Variants in AKAP19 observed in about 807,000 individuals in gnomAD.
The protein encoded by AKAP19 is small A-kinase anchoring protein.
chr2:190,134,271 C>A, the AKAP19 span, among the ~76,000 whole-genome samples: 3 of 151,966 alleles, frequency 2.0e-5, no homozygotes, highest in Non-Finnish European at 4.4e-5. Context: ...TAAAGGTGAA[C>A]CCTGCTAGAA....
At chr2:189,972,609 C>T in the AKAP19 span, among the ~76,000 whole-genome samples, 1 of 152,128 alleles carries the variant, frequency 6.6e-6, no homozygotes, top group Non-Finnish European at 1.5e-5. Flanking sequence ...TCTTCCTATC[C>T]ATGAGCATGG....
chr2:190,002,429 C>T, the AKAP19 span, among the ~76,000 whole-genome samples: 6 of 152,132 alleles, frequency 3.9e-5, no homozygotes, highest in African/African-American at 1.2e-4. Flanking sequence ...TGGAAGGCAG[C>T]CCTGGTGGCC....
the AKAP19 span, among the ~76,000 whole-genome samples, chr2:190,043,332 T>C: frequency 6.6e-6 from 1 of 152,228 alleles, no homozygotes; most frequent in Non-Finnish European, 1.5e-5. Context: ...GGGATACCAG[T>C]GATTCATAGA....
At chr2:190,194,330 G>C in the AKAP19 span, among the ~76,000 whole-genome samples, 11,603 of 152,134 alleles carry the variant, frequency 0.076, 1,036 homozygotes, top group African/African-American at 0.22. Flanking sequence ...AGCTATGCTT[G>C]TGGGTTTGTC....
At chr2:190,141,801 T>C in the AKAP19 span, among the ~76,000 whole-genome samples, 6 of 152,312 alleles carry the variant, frequency 3.9e-5, no homozygotes, top group Non-Finnish European at 7.4e-5. Context: ...AATATTATGA[T>C]ACCCGGTTTT....
the AKAP19 span, among the ~76,000 whole-genome samples, chr2:189,922,786 A>G: frequency 6.6e-6 from 1 of 152,134 alleles, no homozygotes; most frequent in African/African-American, 2.4e-5. Context: ...ATATTTTTAA[A>G]GTACTGTCTA....
At chr2:189,997,759 G>A in the AKAP19 span, among the ~76,000 whole-genome samples, 1 of 152,186 alleles carries the variant, frequency 6.6e-6, no homozygotes, top group East Asian at 1.9e-4. Flanking sequence ...ACAATGGGTG[G>A]TGGTCTTGCA....
chr2:190,031,061 T>A, the AKAP19 span, among the ~76,000 whole-genome samples: 1 of 152,134 alleles, frequency 6.6e-6, no homozygotes, highest in Non-Finnish European at 1.5e-5. Flanking sequence ...TAGAAGGCTG[T>A]CATCATCTGC....
chr2:190,031,608 C>A, the AKAP19 span, among the ~76,000 whole-genome samples: 4 of 152,002 alleles, frequency 2.6e-5, no homozygotes, highest in African/African-American at 9.7e-5. Flanking sequence ...AATTAATAAA[C>A]ACTAGATGTC....
At chr2:190,085,123 T>C in the AKAP19 span, among the ~76,000 whole-genome samples, 7 of 152,030 alleles carry the variant, frequency 4.6e-5, no homozygotes, top group African/African-American at 9.7e-5. Flanking sequence ...CTTTTAACCA[T>C]AGATGCCAGG....
the AKAP19 span, among the ~76,000 whole-genome samples, chr2:190,010,408 C>T: frequency 6.6e-6 from 1 of 152,036 alleles, no homozygotes; most frequent in Non-Finnish European, 1.5e-5. Flanking sequence ...GGATAATAGT[C>T]ATCAATGGGA....
At chr2:189,955,863 C>A in the AKAP19 span, among the ~76,000 whole-genome samples, 1 of 152,030 alleles carries the variant, frequency 6.6e-6, no homozygotes, top group Non-Finnish European at 1.5e-5. Context: ...GTTTAAAAAC[C>A]AAATCCAATA....
the AKAP19 span, among the ~76,000 whole-genome samples, chr2:190,008,171 A>C: frequency 6.6e-6 from 1 of 152,242 alleles, no homozygotes; most frequent in South Asian, 2.1e-4. Context: ...TTTTCAAAAC[A>C]CAATAGATGA....
chr2:189,937,769 C>A, the AKAP19 span, among the ~76,000 whole-genome samples: 1 of 152,090 alleles, frequency 6.6e-6, no homozygotes, highest in Admixed American at 6.6e-5. Flanking sequence ...CAAATGCTGG[C>A]AAGGATATGA....
the AKAP19 span, among the ~76,000 whole-genome samples, chr2:189,962,474 A>C: frequency 6.6e-6 from 1 of 152,224 alleles, no homozygotes; most frequent in Non-Finnish European, 1.5e-5. Context: ...TATCATGATA[A>C]AGGAAGAAAT....
At chr2:190,139,471 G>C in the AKAP19 span, among the ~76,000 whole-genome samples, 2 of 152,164 alleles carry the variant, frequency 1.3e-5, no homozygotes, top group Admixed American at 1.3e-4. Flanking sequence ...ACCCAAGGCT[G>C]AGTAATTTAT....
chr2:190,121,161 T>C, the AKAP19 span, among the ~76,000 whole-genome samples: 1 of 150,472 alleles, frequency 6.6e-6, no homozygotes, highest in Admixed American at 6.6e-5. Flanking sequence ...TCACCCAGGC[T>C]GGAGTGCAGT....
chr2:189,962,453 T>C, the AKAP19 span, among the ~76,000 whole-genome samples: 1 of 152,210 alleles, frequency 6.6e-6, no homozygotes, highest in African/African-American at 2.4e-5. Context: ...AATGATTATC[T>C]TCATTTTCAA....
chr2:190,143,006 T>C, the AKAP19 span, among the ~76,000 whole-genome samples: 356 of 152,180 alleles, frequency 2.3e-3, 4 homozygotes, highest in African/African-American at 8.1e-3. Context: ...TACCCATTTT[T>C]ATACTAAATA....
Sources: gnomAD v4.1 joint callset for allele counts (sites outside exome capture counted in the v4.1 genomes callset) on GRCh38, gnomAD v4.1.1 for gene constraint, MANE v1.5 for transcripts, NCBI Gene and HGNC (gene_info 2026-07-23, HGNC 2026-07-21) for gene names.